The following GPD2 variants were observed in gnomAD, a reference collection of about 807,000 sequenced individuals.
GPD2 encodes the protein glycerol-3-phosphate dehydrogenase 2.
Under a neutral mutation model 82.4 loss-of-function variants are expected in GPD2, and 54 were observed. The ratio of observed to expected loss-of-function variants is 0.66; its 90% CI spans 0.53 to 0.82. The LOEUF (loss-of-function observed/expected upper bound fraction) is 0.82, where lower values mean the gene tolerates loss of function less well. Ranked by LOEUF, GPD2 falls within the 40% of genes least tolerant of loss-of-function variation. GPD2 has a pLI of 0.00. For missense variants in GPD2, 748 were observed against 896.2 expected, an observed-to-expected ratio of 0.83 and a Z score of 2.11; for synonymous variants, 288 against 306.1, an observed-to-expected ratio of 0.94 and a Z score of 0.62.
intron 3 of GPD2, among the ~76,000 whole-genome samples, chr2:156,499,098 G>C (rs1684493290): frequency 6.6e-6 from 1 of 152,162 alleles, no homozygotes; most frequent in Non-Finnish European, 1.5e-5. Flanking sequence ...AAGACATAAA[G>C]AGTTTGTGTG....
At chr2:156,540,480 C>T (rs763064519) in intron 6 of GPD2, among the ~76,000 whole-genome samples, 6 of 152,140 alleles carry the variant, frequency 3.9e-5, no homozygotes, top group Non-Finnish European at 8.8e-5. Context: ...GTAAGCAAAA[C>T]CAAACCATAC....
intron 1 of GPD2, among the ~76,000 whole-genome samples, chr2:156,473,821 G>T (rs1358722536): frequency 6.6e-6 from 1 of 152,164 alleles, no homozygotes; most frequent in African/African-American, 2.4e-5. Flanking sequence ...ATGGGTACCT[G>T]CTAAGTTAGG....
At chr2:156,550,450 T>C in intron 7 of GPD2, 152 bp from the exon 8 acceptor site, 1 of 766,408 alleles carries the variant, frequency 1.3e-6, no homozygotes, top group Non-Finnish European at 2.3e-6. Context: ...GCCTTTTGTT[T>C]GGCTCTTCAA....
At chr2:156,449,856 C>CAAA (rs70987037) in intron 1 of GPD2, among the ~76,000 whole-genome samples, 4 of 83,982 alleles carry the variant, frequency 4.8e-5, no homozygotes, top group African/African-American at 1.2e-4. Flanking sequence ...ACTAAATATA[C>CAAA]AAAAAAAAAA....
rs142688122 is a variant in GPD2 at position 156,503,657 on chromosome 2, A to G, written c.275-7139A>G. Reference sequence around the variant, plus strand: ...GATGTGTTACAAATTTTAAAAAAGCAAGTTGTGAAGAATGAGTGCTAATTT... The same window carrying G: ...GATGTGTTACAAATTTTAAAAAAGCGAGTTGTGAAGAATGAGTGCTAATTT... On this transcript the variant is annotated intron_variant, in intron 3 of 16. Coordinates refer to ENST00000438166, the MANE Select transcript of GPD2 (RefSeq NM_000408.5). Among the ~76,000 whole-genome samples the G allele has an allele frequency of 4.0e-3, 605 of 152,286 alleles. 18 individuals are homozygous for G. The highest frequency in any genetic ancestry group is 0.036 in the Admixed American group (552 of 15,288).
chr2:156,411,819 A>G, the GPD2 span, among the ~76,000 whole-genome samples: 1 of 152,226 alleles, frequency 6.6e-6, no homozygotes, highest in Admixed American at 6.5e-5. Flanking sequence ...AAGATCCTGT[A>G]TTACAGAATC....
chr2:156,516,819 C>A (rs1444962712), intron 6 of GPD2, among the ~76,000 whole-genome samples: 3 of 151,766 alleles, frequency 2.0e-5, no homozygotes, highest in African/African-American at 7.3e-5. Flanking sequence ...TATACACTTA[C>A]TTCAGCAACC....
At chr2:156,411,016 G>A in the GPD2 span, among the ~76,000 whole-genome samples, 1,721 of 152,224 alleles carry the variant, frequency 0.011, 14 homozygotes, top group Non-Finnish European at 0.016. Flanking sequence ...TATGTTGTGG[G>A]AGAAAAATAA....
intron 2 of GPD2, among the ~76,000 whole-genome samples, chr2:156,490,472 T>C (rs2105230038): frequency 6.6e-6 from 1 of 152,292 alleles, no homozygotes. Flanking sequence ...TGCTGTATGT[T>C]TTAAAAAAAT....
At chr2:156,580,786 G>A (rs1688000454) in intron 16 of GPD2, among the ~76,000 whole-genome samples, 1 of 152,152 alleles carries the variant, frequency 6.6e-6, no homozygotes, top group Admixed American at 6.5e-5. Context: ...TTCACAGGTT[G>A]TGTCCAGCAT....
At chr2:156,463,726 G>A (rs1683064024) in intron 1 of GPD2, among the ~76,000 whole-genome samples, 1 of 152,066 alleles carries the variant, frequency 6.6e-6, no homozygotes, top group Non-Finnish European at 1.5e-5. Context: ...AGAGTTTTGG[G>A]AATACAACAT....
At chr2:156,511,624 G>A (rs953282574) in intron 4 of GPD2, among the ~76,000 whole-genome samples, 1 of 152,106 alleles carries the variant, frequency 6.6e-6, no homozygotes, top group African/African-American at 2.4e-5. Context: ...AAACAGCATA[G>A]GATTTAGAAT....
the GPD2 span, among the ~76,000 whole-genome samples, chr2:156,400,600 A>G: frequency 6.6e-6 from 1 of 152,234 alleles, no homozygotes; most frequent in African/African-American, 2.4e-5. Flanking sequence ...TCGTTGCGCG[A>G]GGTCTGAATG....
intron 2 of GPD2, among the ~76,000 whole-genome samples, chr2:156,495,340 G>A (rs928336518): frequency 2.0e-5 from 3 of 151,948 alleles, no homozygotes; most frequent in African/African-American, 7.3e-5. Flanking sequence ...ACAGAATGAA[G>A]CCCCATATCA....
rs374157372 is a variant in GPD2, at chr2:156,569,552, G to T, written c.1476+14G>T. The T allele has an allele frequency of 1.6e-5, 25 of 1,593,544 alleles. No homozygotes were observed. In the African/African-American group the frequency reaches 3.1e-4, roughly 20 times the overall value. ...CTTGAAAGCGAGGTGAGTGTGCATTGCCACATCATCTTACTCTTTACCTAA... is the reference window on the plus strand; with the variant it reads ...CTTGAAAGCGAGGTGAGTGTGCATTTCCACATCATCTTACTCTTTACCTAA... On this transcript the variant is annotated intron_variant, in intron 11 of 16. Transcript: ENST00000438166.
chr2:156,470,574 G>A (rs1466031060), intron 1 of GPD2, among the ~76,000 whole-genome samples: 2 of 152,214 alleles, frequency 1.3e-5, no homozygotes, highest in Non-Finnish European at 2.9e-5. Flanking sequence ...ACAGGGAGAT[G>A]AGTAGGAGAG....
rs897783341 is a variant in GPD2 at position 156,566,984 on chromosome 2, T to C, written c.1166-1841T>C. On this transcript the variant is annotated intron_variant, in intron 9 of 16. Transcript: ENST00000438166. ...ATCATTAGTGATGTTTACTATCTTT[T>C]AATGTGCTTATTGAGCATTTGTATA... Among the ~76,000 whole-genome samples, 3 of 152,262 alleles carry C rather than the reference T, an allele frequency of 2.0e-5. No homozygotes were observed. The South Asian group carries it at 6.2e-4, about 32-fold the overall frequency.
intron 9 of GPD2, among the ~76,000 whole-genome samples, chr2:156,566,088 C>A (rs1011301381): frequency 6.6e-6 from 1 of 152,076 alleles, no homozygotes; most frequent in African/African-American, 2.4e-5. Flanking sequence ...AAAACATGGA[C>A]ATGGTATGGG....
At chr2:156,549,036 C>T (rs1162044401) in intron 6 of GPD2, among the ~76,000 whole-genome samples, 1 of 151,754 alleles carries the variant, frequency 6.6e-6, no homozygotes. Context: ...AATTTCTTAC[C>T]TTTTATGTGT....
Sources: gnomAD v4.1 joint callset for allele counts (sites outside exome capture counted in the v4.1 genomes callset) on GRCh38, gnomAD v4.1.1 for gene constraint, MANE v1.5 for transcripts, NCBI Gene and HGNC (gene_info 2026-07-23, HGNC 2026-07-21) for gene names.